The following RAB2A variants were observed in gnomAD, a reference collection of about 807,000 sequenced individuals.
RAB2A encodes ras-related protein Rab-2A.
Under a neutral mutation model 32.5 loss-of-function variants are expected in RAB2A, and 7 were observed. The ratio of observed to expected loss-of-function variants is 0.22; its 90% CI spans 0.12 to 0.40. The LOEUF (loss-of-function observed/expected upper bound fraction) is 0.40, where lower values mean the gene tolerates loss of function less well. Among genes scored for constraint, RAB2A ranks in the 10% least tolerant of loss-of-function variants. RAB2A has a pLI of 1.00. For missense variants in RAB2A, 108 were observed against 260.7 expected (o/e 0.41, Z 4.03); for synonymous variants, 79 against 85.2 (o/e 0.93, Z 0.40).
At chr8:60,532,919 A>G (rs1807499021) in intron 1 of RAB2A, among the ~76,000 whole-genome samples, 1 of 152,246 alleles carries the variant, frequency 6.6e-6, no homozygotes, top group Admixed American at 6.5e-5. Context: ...TTGACTTCTG[A>G]TATTAGCAAC....
intron 5 of RAB2A, among the ~76,000 whole-genome samples, chr8:60,587,661 G>A (rs562439678): frequency 3.9e-5 from 6 of 152,248 alleles, no homozygotes; most frequent in Admixed American, 2.0e-4. Context: ...AACGATAACT[G>A]TGAGATAATG....
intron 6 of RAB2A, among the ~76,000 whole-genome samples, chr8:60,613,493 T>C (rs1294807485): frequency 2.6e-5 from 4 of 152,206 alleles, no homozygotes; most frequent in Non-Finnish European, 4.4e-5. Context: ...GCAGTTATAA[T>C]TGAACATTAA....
At chr8:60,572,296 T>C (rs1808208238) in intron 3 of RAB2A, among the ~76,000 whole-genome samples, 183 bp downstream of exon 3, 2 of 152,178 alleles carry the variant, frequency 1.3e-5, no homozygotes, top group Non-Finnish European at 2.9e-5. Context: ...TTTCAATAGA[T>C]GGGCCCTGGG....
chr8:60,602,912 C>G (rs547709231), intron 6 of RAB2A, among the ~76,000 whole-genome samples: 1 of 152,282 alleles, frequency 6.6e-6, no homozygotes, highest in East Asian at 1.9e-4. Context: ...CGGTTTAGCA[C>G]AGTGGGTAGA....
At chr8:60,524,663 TCAAA>T (rs1807351754) in intron 1 of RAB2A, among the ~76,000 whole-genome samples, 2 of 152,222 alleles carry the variant, frequency 1.3e-5, no homozygotes. Context: ...GTTTCTTAAC[TCAAA>T]CTATTAATAT....
intron 2 of RAB2A, among the ~76,000 whole-genome samples, chr8:60,565,142 G>C (rs750680003): frequency 6.6e-6 from 1 of 152,188 alleles, no homozygotes; most frequent in Non-Finnish European, 1.5e-5. Context: ...TATAAGAAAT[G>C]ATTGCTGGGC....
chr8:60,526,026 T>A (rs1400640338), intron 1 of RAB2A, among the ~76,000 whole-genome samples: 1 of 67,816 alleles, frequency 1.5e-5, no homozygotes, highest in Non-Finnish European at 2.9e-5. Context: ...TGTACATATA[T>A]ATATATATAT....
intron 6 of RAB2A, among the ~76,000 whole-genome samples, chr8:60,614,529 C>T (rs1033290134): frequency 3.9e-5 from 6 of 152,142 alleles, no homozygotes; most frequent in African/African-American, 1.2e-4. Flanking sequence ...GCTGGGATTA[C>T]AGGTGCGAGC....
chr8:60,540,082 A>G (rs553811843), intron 1 of RAB2A, among the ~76,000 whole-genome samples: 1 of 151,456 alleles, frequency 6.6e-6, no homozygotes, highest in South Asian at 2.1e-4. Flanking sequence ...TACAACTAGA[A>G]TTATAATTAA....
intron 6 of RAB2A, among the ~76,000 whole-genome samples, chr8:60,617,666 A>G (rs528063229): frequency 1.3e-5 from 2 of 152,246 alleles, no homozygotes; most frequent in South Asian, 4.2e-4. Context: ...GGATCACTTG[A>G]ACTGGGAGGC....
At chr8:60,606,348 C>T (rs566396489) in intron 6 of RAB2A, among the ~76,000 whole-genome samples, 88 of 152,264 alleles carry the variant, frequency 5.8e-4, no homozygotes, top group African/African-American at 2.0e-3. Flanking sequence ...TGTCTCTGAC[C>T]TGTGAATCCT....
chr8:60,586,545 G>C (rs1442591188), intron 5 of RAB2A, among the ~76,000 whole-genome samples: 1 of 152,002 alleles, frequency 6.6e-6, no homozygotes, highest in Admixed American at 6.6e-5. Flanking sequence ...ATTGTAAACA[G>C]ACTAAATAAA....
chr8:60,615,713 T>C (rs1198043429), intron 6 of RAB2A, among the ~76,000 whole-genome samples: 1 of 152,196 alleles, frequency 6.6e-6, no homozygotes, highest in Non-Finnish European at 1.5e-5. Context: ...GTTCATTATA[T>C]TTAGGAACTC....
chr8:60,542,782 T>G (rs1321931151), intron 1 of RAB2A, among the ~76,000 whole-genome samples: 1 of 152,232 alleles, frequency 6.6e-6, no homozygotes, highest in Non-Finnish European at 1.5e-5. Context: ...ATTGATTCTT[T>G]AGCAACTCTC....
At chr8:60,553,054 G>A (rs1347401585) in intron 1 of RAB2A, 1 of 152,170 alleles carries the variant, frequency 6.6e-6, no homozygotes, top group African/African-American at 2.4e-5. Context: ...ATGGTTGTTT[G>A]TGAGATTCAG....
At position 60,517,073 on chromosome 8, in the gene RAB2A, G is replaced by C; in HGVS notation, c.-135G>C. ...GGCTTCCTCACAGCCCCTCACTCCC[G>C]GCGGCTGACAGCAGCAGCGGCGGCG... is the stretch of plus-strand genomic sequence containing the variant. On this transcript the variant is annotated 5_prime_UTR_variant, in exon 1 of 8. Transcript: ENST00000262646. The C allele has an allele frequency of 3.4e-6, 3 of 889,490 alleles. No individual in the cohort carries two copies. Among genetic ancestry groups the C allele is most frequent in the Non-Finnish European group, 4.8e-6 (3 of 624,488 alleles). The allele number at this position is 889,490 out of a possible 1,614,324, so 55.1% of individuals were successfully genotyped here. A position where few individuals can be genotyped will look rare whatever the true frequency, so the allele number is the denominator to read the frequency against.
At chr8:60,547,831 C>T in intron 1 of RAB2A, among the ~76,000 whole-genome samples, 1 of 116,494 alleles carries the variant, frequency 8.6e-6, no homozygotes, top group South Asian at 3.1e-4. Flanking sequence ...GGGCGGGGGG[C>T]TGACCCCCCC....
intron 6 of RAB2A, among the ~76,000 whole-genome samples, chr8:60,610,846 C>A (rs1368046062): frequency 1.3e-5 from 2 of 152,182 alleles, no homozygotes; most frequent in Non-Finnish European, 2.9e-5. Context: ...CTTATATTCC[C>A]ATATAAGTGC....
chr8:60,601,194 A>G (rs1262128106), intron 6 of RAB2A, among the ~76,000 whole-genome samples: 2 of 66,894 alleles, frequency 3.0e-5, no homozygotes, highest in Non-Finnish European at 5.1e-5. Context: ...AAGAATACAG[A>G]TTTTCAAATT....
Sources: allele counts gnomAD v4.1 joint callset (sites outside exome capture counted in the v4.1 genomes callset), GRCh38; gene constraint gnomAD v4.1.1; transcripts MANE v1.5; gene names NCBI Gene and HGNC (gene_info 2026-07-23, HGNC 2026-07-21).